Variants in COBL observed in about 807,000 individuals in gnomAD.
The protein encoded by COBL is cordon-bleu WH2 repeat protein.
In COBL, 51 loss-of-function variants were observed where a neutral mutation model predicts 98.8. The ratio of observed to expected loss-of-function variants is 0.52; its 90% confidence interval spans 0.41 to 0.65. The LOEUF is 0.65. COBL is among the 30% of genes least tolerant of loss of function. COBL has a pLI of 0.00. For synonymous variants in COBL, 634 were observed against 651.7 expected (o/e 0.97, Z 0.41); for missense variants, 1,617 against 1,617.5 (o/e 1.00, Z 0.01).
chr7:51,315,165 C>G (rs971334004), intron 1 of COBL, among the ~76,000 whole-genome samples: 9 of 151,756 alleles, frequency 5.9e-5, no homozygotes, highest in African/African-American at 2.2e-4. Context: ...TTTTGGGATG[C>G]CTATTACCAT....
Position 51,136,206 on chromosome 7 carries a change from A to G in COBL, c.909T>C (p.Pro303=), listed in dbSNP as rs1188304974. The change falls in exon 6 of 13, where the codon CCT becomes CCC. Residue 303 remains proline, a synonymous_variant. Coordinates refer to ENST00000265136, the MANE Select transcript of COBL (RefSeq NM_015198.5). ...VKSEMKKRRA[P]PPPGSGPPVQ... is the part of the protein sequence containing the mutation. ...CAGGTGGCCCTGAACCTGGAGGAGGAGGGGCTCGGCGCTTCTTCATCTCCG... is the reference window on the plus strand; with the variant it reads ...CAGGTGGCCCTGAACCTGGAGGAGGGGGGGCTCGGCGCTTCTTCATCTCCG... 6.2e-7 allele frequency: 1 copy of G among 1,612,870 alleles called. No homozygotes were observed. The highest frequency in any genetic ancestry group is 8.5e-7 in the Non-Finnish European group (1 of 1,180,014).
chr7:51,064,242 A>G (rs1347607932), intron 7 of COBL, among the ~76,000 whole-genome samples: 1 of 151,030 alleles, frequency 6.6e-6, no homozygotes, highest in Non-Finnish European at 1.5e-5. Context: ...AGCTGACACA[A>G]CCCCTATAGG....
chr7:51,256,759 GA>G (rs2129143068), intron 1 of COBL, among the ~76,000 whole-genome samples: 1 of 152,322 alleles, frequency 6.6e-6, no homozygotes, highest in African/African-American at 2.4e-5. Flanking sequence ...GCTAAATGAT[GA>G]TAGGTGCTCT....
chr7:51,114,507 C>T (rs180860630), intron 6 of COBL, among the ~76,000 whole-genome samples: 5 of 152,242 alleles, frequency 3.3e-5, no homozygotes, highest in African/African-American at 1.2e-4. Context: ...GAATCTCATC[C>T]TAATACTGTT....
Position 51,028,818 on chromosome 7 carries a change from C to T in COBL, c.2278G>A (p.Glu760Lys). The T allele has an allele frequency of 6.2e-7, 1 of 1,614,230 alleles. No individual in the cohort carries two copies. The highest frequency in any genetic ancestry group is 1.7e-5 in the Admixed American group (1 of 60,028). ...ISLSSSVPEA[E>K]SQPIGKVREF... ...CTGACTTTCCCAATGGGCTGAGATT[C>T]TGCTTCAGGCACAGACGAAGACAGG... Residue 760 changes from glutamate (E) to lysine (K), a missense_variant, in exon 10 of 13, where the codon GAA becomes AAA. Glu to Lys is a moderately conservative substitution (Grantham distance 56). Around this residue, in one of 3 missense-constraint regions of COBL, gnomAD observed 1,304 missense variants for 1,282.0 expected, o/e 1.02. Coordinates refer to ENST00000265136, the MANE Select transcript of COBL (RefSeq NM_015198.5).
chr7:51,297,565 G>C (rs1196443649), intron 1 of COBL, among the ~76,000 whole-genome samples: 17 of 151,768 alleles, frequency 1.1e-4, no homozygotes, highest in Non-Finnish European at 1.5e-5. Context: ...CTAATTTTTT[G>C]TATGTTTAGT....
chr7:51,214,630 T>C (rs1792846780), intron 2 of COBL, among the ~76,000 whole-genome samples: 1 of 152,200 alleles, frequency 6.6e-6, no homozygotes, highest in African/African-American at 2.4e-5. Context: ...TCTATGTGAT[T>C]CTCACTCAGC....
chr7:51,109,058 G>A lies in COBL; in HGVS notation c.958-23754C>T, dbSNP rs540146582. Reference sequence around the variant, plus strand: ...TTCCTTGCCACTGGCCTCCTGCCTAGTGTGGCACCTGTGTGAATGGCCCAG... The same window carrying A: ...TTCCTTGCCACTGGCCTCCTGCCTAATGTGGCACCTGTGTGAATGGCCCAG... On this transcript the variant is annotated intron_variant, in intron 6 of 12. Transcript: ENST00000265136. Among the ~76,000 whole-genome samples the A allele has an allele frequency of 3.1e-4, 47 of 152,252 alleles. No homozygotes were observed. In the South Asian group the frequency reaches 9.6e-3, roughly 31 times the overall value.
chr7:51,023,079 G>A (rs1250533837), intron 12 of COBL: 1 of 152,188 alleles, frequency 6.6e-6, no homozygotes, highest in African/African-American at 2.4e-5. Context: ...CCGATGATCA[G>A]CCCTTGAAAT....
chr7:51,208,680 A>G (rs1792075800), intron 2 of COBL, among the ~76,000 whole-genome samples: 1 of 152,242 alleles, frequency 6.6e-6, no homozygotes, highest in Non-Finnish European at 1.5e-5. Flanking sequence ...TGTAGAAAGA[A>G]GTAGACATGG....
intron 5 of COBL, among the ~76,000 whole-genome samples, chr7:51,158,608 G>C (rs1786443794): frequency 6.6e-6 from 1 of 152,192 alleles, no homozygotes; most frequent in South Asian, 2.1e-4. Flanking sequence ...GCATCCCTAG[G>C]GGCCCAGACC....
chr7:51,155,159 G>A (rs1785991879), intron 5 of COBL, among the ~76,000 whole-genome samples: 1 of 152,110 alleles, frequency 6.6e-6, no homozygotes, highest in African/African-American at 2.4e-5. Context: ...CTGGAAGAAG[G>A]GGCAGAAATG....
At position 51,027,970 on chromosome 7, in the gene COBL, G is replaced by A. The variant is rs201043019; in HGVS notation, c.3126C>T (p.Arg1042=). 5.8e-5 allele frequency: 93 copies of A among 1,606,926 alleles called. No individual in the cohort carries two copies. The African/African-American group carries it at 8.7e-4, about 15-fold the overall frequency. The change falls in exon 10 of 13, where the codon CGC becomes CGT. Residue 1042 remains arginine, a synonymous_variant. Transcript: ENST00000265136. ...CSRELVNGSV[R]APGHGEPSHP... ...GGGAAGGCTCGCCGTGGCCTGGGGC[G>A]CGCACAGAGCCATTGACCAGCTCCC...
intron 7 of COBL, chr7:51,065,424 T>C: frequency 1.4e-6 from 1 of 702,302 alleles, no homozygotes; most frequent in Non-Finnish European, 2.6e-6. Flanking sequence ...TCAGAAGTCT[T>C]ATCACAGCTT....
At chr7:51,286,682 C>T (rs527732244) in intron 1 of COBL, among the ~76,000 whole-genome samples, 50 of 152,168 alleles carry the variant, frequency 3.3e-4, no homozygotes, top group Non-Finnish European at 6.2e-4. Flanking sequence ...AGTTCAGCCA[C>T]TGTGGAAAGT....
At chr7:51,271,377 A>G (rs1202875170) in intron 1 of COBL, among the ~76,000 whole-genome samples, 1 of 152,182 alleles carries the variant, frequency 6.6e-6, no homozygotes, top group Non-Finnish European at 1.5e-5. Flanking sequence ...TGGTCCTTGG[A>G]GCTGCTGGGC....
At chr7:51,124,099 T>G (rs950407823) in intron 6 of COBL, among the ~76,000 whole-genome samples, 6 of 152,106 alleles carry the variant, frequency 3.9e-5, no homozygotes, top group Non-Finnish European at 7.4e-5. Context: ...AAAGATGAAG[T>G]TATATGAGAT....
chr7:51,129,828 A>C (rs557624561), intron 6 of COBL, among the ~76,000 whole-genome samples: 230 of 152,290 alleles, frequency 1.5e-3, no homozygotes, highest in Admixed American at 2.5e-3. Context: ...CTGTGACGTG[A>C]GGCCAGCAGA....
chr7:51,161,444 A>G (rs1322492210), intron 5 of COBL, among the ~76,000 whole-genome samples: 1 of 152,250 alleles, frequency 6.6e-6, no homozygotes, highest in Non-Finnish European at 1.5e-5. Context: ...AATACTGCAG[A>G]GGCTTCCATC....
Sources: gnomAD v4.1 joint callset for allele counts (sites outside exome capture counted in the v4.1 genomes callset) on GRCh38, gnomAD v4.1.1 for gene constraint, gnomAD v4.1.1 regional missense constraint, MANE v1.5 for transcripts, NCBI Gene and HGNC (gene_info 2026-07-23, HGNC 2026-07-21) for gene names.